Variants in ADAM9 observed in about 807,000 individuals in gnomAD.
The protein encoded by ADAM9 is disintegrin and metalloproteinase domain-containing protein 9.
In ADAM9, 54 loss-of-function variants were observed where a neutral mutation model predicts 108.1. The observed-to-expected ratio is 0.50, with a 90% CI of 0.40 to 0.63. The LOEUF (loss-of-function observed/expected upper bound fraction) is 0.63. Ranked by LOEUF, ADAM9 falls within the 20% of genes least tolerant of loss-of-function variation. ADAM9 has a pLI of 0.00. For synonymous variants in ADAM9, 316 were observed against 336.0 expected (o/e 0.94, Z 0.65); for missense variants, 830 against 997.7 (o/e 0.83, Z 2.26).
chr8:39,082,093 A>C (rs1052138017), intron 16 of ADAM9, among the ~76,000 whole-genome samples: 2 of 152,156 alleles, frequency 1.3e-5, no homozygotes, highest in Non-Finnish European at 2.9e-5. Flanking sequence ...ACTTATTTTC[A>C]ACAGTGCTTT....
At chr8:39,027,733 C>T (rs1044454655) in intron 11 of ADAM9, among the ~76,000 whole-genome samples, 1 of 151,970 alleles carries the variant, frequency 6.6e-6, no homozygotes, top group African/African-American at 2.4e-5. Flanking sequence ...AACTGTAGTT[C>T]GTACGTGTGT....
chr8:39,039,561 C>A (rs899380182), intron 11 of ADAM9, among the ~76,000 whole-genome samples: 4 of 152,228 alleles, frequency 2.6e-5, no homozygotes, highest in African/African-American at 9.6e-5. Flanking sequence ...TTTCCTCCAC[C>A]TCCACCATAA....
chr8:39,079,363 T>A (rs1291393429), intron 16 of ADAM9, among the ~76,000 whole-genome samples: 1 of 152,140 alleles, frequency 6.6e-6, no homozygotes, highest in Non-Finnish European at 1.5e-5. Flanking sequence ...CTCCTCAGCC[T>A]CCCAAAGTGC....
At chr8:39,077,466 T>C in intron 16 of ADAM9, 55 bp downstream of exon 16, 1 of 1,469,052 alleles carries the variant, frequency 6.8e-7, no homozygotes, top group Non-Finnish European at 9.2e-7. Flanking sequence ...AAAAAAATTA[T>C]TATACATAGT....
At chr8:39,058,585 G>A (rs923514143) in intron 14 of ADAM9, among the ~76,000 whole-genome samples, 2 of 152,214 alleles carry the variant, frequency 1.3e-5, no homozygotes, top group African/African-American at 4.8e-5. Flanking sequence ...TAGTAGGCCA[G>A]TTTCCCTTTG....
At chr8:39,033,938 CA>C (rs1468821799) in intron 11 of ADAM9, among the ~76,000 whole-genome samples, 1 of 152,114 alleles carries the variant, frequency 6.6e-6, no homozygotes, top group East Asian at 1.9e-4. Context: ...ATGAATGGAT[CA>C]AGTGATCACA....
intron 12 of ADAM9, among the ~76,000 whole-genome samples, chr8:39,047,606 T>C (rs981769154): frequency 2.6e-5 from 4 of 152,182 alleles, no homozygotes; most frequent in African/African-American, 7.2e-5. Flanking sequence ...TAGTCTTTTA[T>C]AATTCTTTTT....
intron 18 of ADAM9, among the ~76,000 whole-genome samples, chr8:39,088,192 C>G (rs1839234748): frequency 6.6e-6 from 1 of 151,908 alleles, no homozygotes; most frequent in Non-Finnish European, 1.5e-5. Flanking sequence ...CTGCACAGTT[C>G]AAACCCACAT....
At chr8:39,054,714 G>T in intron 13 of ADAM9, 141 bp downstream of exon 13, 1 of 670,004 alleles carries the variant, frequency 1.5e-6, no homozygotes. Flanking sequence ...TATGCCACTT[G>T]TGTATAATTT....
At chr8:39,086,214 G>T (rs10958534) in intron 18 of ADAM9, among the ~76,000 whole-genome samples, 1 of 152,052 alleles carries the variant, frequency 6.6e-6, no homozygotes, top group African/African-American at 2.4e-5. Context: ...AGGGTTTTAC[G>T]CTGTTGGCCA....
At chr8:39,055,827 G>T in intron 14 of ADAM9, 55 bp downstream of exon 14, 1 of 1,522,006 alleles carries the variant, frequency 6.6e-7, no homozygotes, top group African/African-American at 1.4e-5. Context: ...TTTTGATTTA[G>T]ATATTTTAAA....
chr8:39,039,783 A>G (rs1837400914), intron 11 of ADAM9, among the ~76,000 whole-genome samples: 1 of 152,196 alleles, frequency 6.6e-6, no homozygotes, highest in African/African-American at 2.4e-5. Flanking sequence ...TGTCCATTCA[A>G]CTGTTGACAC....
chr8:39,008,326 A>G (rs1264326093), intron 2 of ADAM9, among the ~76,000 whole-genome samples: 1 of 151,990 alleles, frequency 6.6e-6, no homozygotes, highest in African/African-American at 2.4e-5. Flanking sequence ...ATGTGCCACC[A>G]TGTCTGGCTA....
chr8:39,103,187 C>T (rs1020327656), intron 21 of ADAM9, among the ~76,000 whole-genome samples: 2 of 152,156 alleles, frequency 1.3e-5, no homozygotes, highest in African/African-American at 4.8e-5. Context: ...TTTTAATTCT[C>T]AGAGTGAATC....
chr8:39,100,619 C>T (rs1335078027), intron 20 of ADAM9, among the ~76,000 whole-genome samples: 3 of 152,078 alleles, frequency 2.0e-5, no homozygotes, highest in Admixed American at 6.6e-5. Flanking sequence ...GGGATGGAGA[C>T]ATTTTGTTGC....
chr8:39,089,690 CGAGGAGGTCCACTATGTACA>C (rs1342833876), intron 18 of ADAM9: 2 of 257,076 alleles, frequency 7.8e-6, no homozygotes, highest in Non-Finnish European at 1.5e-5. Flanking sequence ...GTATGGAAAA[CGAGGAGGTCCACTATGTACA>C]GATAAGTGGA....
intron 12 of ADAM9, among the ~76,000 whole-genome samples, chr8:39,046,107 G>A (rs1427167482): frequency 1.3e-5 from 2 of 152,064 alleles, no homozygotes. Flanking sequence ...CATGAACATA[G>A]GATGTCTTTC....
chr8:39,048,998 G>GTTTTTT (rs34077661), intron 12 of ADAM9, among the ~76,000 whole-genome samples: 1 of 121,470 alleles, frequency 8.2e-6, no homozygotes, highest in Non-Finnish European at 1.8e-5. Context: ...ATAGCATATA[G>GTTTTTT]TTTTTTTTTT....
rs1204650237 is a variant in ADAM9, at chr8:39,104,818, A to G, written c.*1118A>G. The G allele has an allele frequency of 4.4e-6, 2 of 453,750 alleles. No homozygotes were observed. Among genetic ancestry groups the G allele is most frequent in the East Asian group, 6.9e-5 (1 of 14,396 alleles). The allele number at this position is 453,750 out of a possible 1,614,324, so 28.1% of individuals were successfully genotyped here. On this transcript the variant is annotated 3_prime_UTR_variant, in exon 22 of 22. Transcript: ENST00000487273. ...GCTGTGTTAAAAATGAATTTTTACT[A>G]TGGCAGATATGGTATGGATCGTAAA...
Sources: gnomAD v4.1 joint callset for allele counts (sites outside exome capture counted in the v4.1 genomes callset) on GRCh38, gnomAD v4.1.1 for gene constraint, MANE v1.5 for transcripts, NCBI Gene and HGNC (gene_info 2026-07-23, HGNC 2026-07-21) for gene names.